The following KLHL4 variants were observed in gnomAD, a reference collection of about 807,000 sequenced individuals.
The protein encoded by KLHL4 is kelch-like protein 4.
A neutral mutation model predicts 45.8 loss-of-function variants in KLHL4; 17 were observed. That is an observed-to-expected ratio of 0.37 (90% CI 0.25 to 0.56). The LOEUF (loss-of-function observed/expected upper bound fraction) is 0.56, where lower values mean the gene tolerates loss of function less well. KLHL4 is among the 20% of genes least tolerant of loss of function. The pLI is 0.79. For missense variants in KLHL4, 544 were observed against 544.9 expected, an observed-to-expected ratio of 1.00 and a Z score of 0.02; for synonymous variants, 224 against 189.9, an observed-to-expected ratio of 1.18 and a Z score of -1.47.
chrX:87,563,799 A>G (rs1932151871), intron 1 of KLHL4, among the ~76,000 whole-genome samples: 1 of 111,122 alleles, frequency 9.0e-6, no homozygotes, highest in African/African-American at 3.3e-5. Flanking sequence ...AACTGAAGAC[A>G]TTTAAGAATC....
At chrX:87,624,664 C>G (rs1282078020) in intron 5 of KLHL4, among the ~76,000 whole-genome samples, 1 of 111,777 alleles carries the variant, frequency 8.9e-6, no homozygotes, top group Non-Finnish European at 1.9e-5. Flanking sequence ...TCCAAGGGAA[C>G]CAATCTAAGA....
intron 1 of KLHL4, among the ~76,000 whole-genome samples, chrX:87,530,059 C>T (rs1292813108): frequency 3.6e-5 from 4 of 110,023 alleles, no homozygotes; most frequent in Non-Finnish European, 7.6e-5. Flanking sequence ...AAATTTTCTC[C>T]CATTTTGTAG....
intron 1 of KLHL4, among the ~76,000 whole-genome samples, chrX:87,600,990 C>T (rs1270514061): frequency 9.0e-6 from 1 of 111,614 alleles, no homozygotes; most frequent in Non-Finnish European, 1.9e-5. Flanking sequence ...TGTGTCCTCA[C>T]CCTAATCTCA....
At chrX:87,539,392 C>T (rs13441117) in intron 1 of KLHL4, among the ~76,000 whole-genome samples, 25,804 of 109,390 alleles carry the variant, frequency 0.24, 2,641 homozygotes, top group East Asian at 0.52. Flanking sequence ...TTAATGTCTT[C>T]TTCTTATCTG....
intron 1 of KLHL4, among the ~76,000 whole-genome samples, chrX:87,595,690 G>A (rs1921819203): frequency 1.8e-5 from 2 of 110,809 alleles, no homozygotes; most frequent in Non-Finnish European, 3.8e-5. Context: ...AATGAAAAAT[G>A]AGTGCCCTTT....
chrX:87,617,211 G>GTTTT (rs751538627), intron 3 of KLHL4, among the ~76,000 whole-genome samples: 1 of 102,904 alleles, frequency 9.7e-6, no homozygotes. Context: ...AAAAGAGACT[G>GTTTT]TTTTTTTTTT....
chrX:87,559,209 TA>T (rs1932044519), intron 1 of KLHL4, among the ~76,000 whole-genome samples: 1 of 112,204 alleles, frequency 8.9e-6, no homozygotes, highest in Admixed American at 9.5e-5. Context: ...TACCTCTTTT[TA>T]TTTTAACCAT....
chrX:87,586,420 C>T (rs375008504), intron 1 of KLHL4, among the ~76,000 whole-genome samples: 2 of 111,173 alleles, frequency 1.8e-5, no homozygotes, highest in African/African-American at 6.5e-5. Flanking sequence ...GAAATAATAT[C>T]AAGGATCACC....
intron 1 of KLHL4, among the ~76,000 whole-genome samples, chrX:87,537,868 A>G (rs1931468695): frequency 1.8e-5 from 2 of 111,395 alleles, no homozygotes; most frequent in Admixed American, 9.6e-5. Flanking sequence ...AATTGAGAAG[A>G]AGGCAACCTC....
intron 9 of KLHL4, among the ~76,000 whole-genome samples, chrX:87,636,506 T>C (rs1178857662): frequency 8.9e-6 from 1 of 111,753 alleles, no homozygotes; most frequent in Non-Finnish European, 1.9e-5. Context: ...GGTGGATTGC[T>C]GCGCAGGGAT....
intron 1 of KLHL4, among the ~76,000 whole-genome samples, chrX:87,587,859 A>C (rs1921532713): frequency 9.0e-6 from 1 of 111,410 alleles, no homozygotes; most frequent in Admixed American, 9.5e-5. Flanking sequence ...GATGACATCA[A>C]ATTATCCTTT....
At chrX:87,552,696 T>C in intron 1 of KLHL4, among the ~76,000 whole-genome samples, 1 of 27,825 alleles carries the variant, frequency 3.6e-5, no homozygotes, top group African/African-American at 5.5e-4. Flanking sequence ...TGTTAAATTA[T>C]ATATATATAT....
rs964911657 is a variant in KLHL4 at position 87,594,644 on chromosome X, C to T, written c.423-19233C>T. Among the ~76,000 whole-genome samples the T allele has an allele frequency of 5.4e-5, 6 of 111,618 alleles. No homozygotes were observed. The East Asian group carries it at 1.7e-3, about 32-fold the overall frequency. On this transcript the variant is annotated intron_variant, in intron 1 of 10. Coordinates refer to ENST00000373119, the MANE Select transcript of KLHL4 (RefSeq NM_019117.5). ...ATCTGCGTGATCTCCAATCTCCATCCCCCATCTTGTCCCACAAACTACATA... is the reference window on the plus strand; with the variant it reads ...ATCTGCGTGATCTCCAATCTCCATCTCCCATCTTGTCCCACAAACTACATA...
At chrX:87,543,205 A>AT (rs1931600203) in intron 1 of KLHL4, among the ~76,000 whole-genome samples, 1 of 111,411 alleles carries the variant, frequency 9.0e-6, no homozygotes, top group Non-Finnish European at 1.9e-5. Flanking sequence ...CAAGTTTCAG[A>AT]TAAAATCTTC....
At chrX:87,639,791 G>A (rs1009722484) in intron 9 of KLHL4, among the ~76,000 whole-genome samples, 10 of 109,677 alleles carry the variant, frequency 9.1e-5, no homozygotes, top group African/African-American at 3.3e-4. Context: ...AGGGTTACAC[G>A]TCAAGGAACT....
chrX:87,624,967 C>T (rs1259883143), intron 5 of KLHL4, among the ~76,000 whole-genome samples: 1 of 112,283 alleles, frequency 8.9e-6, no homozygotes, highest in Non-Finnish European at 1.9e-5. Context: ...TGCATGACCA[C>T]CACTACCAAC....
Position 87,666,846 on chromosome X carries a change from G to C in KLHL4, c.*312G>C. ...TTAATGAAAATTGATGGTGGCCACA[G>C]TGTGCAGGTTATAAAAGCATTAATA... is the stretch of plus-strand genomic sequence containing the variant. On this transcript the variant is annotated 3_prime_UTR_variant, in exon 11 of 11. Transcript: ENST00000373119. 1 of 778,006 alleles carries C rather than the reference G, an allele frequency of 1.3e-6. No individual in the cohort carries two copies. The highest frequency in any genetic ancestry group is 1.5e-6 in the Non-Finnish European group (1 of 649,066). The allele number at this position is 778,006 out of a possible 1,213,427, so 64.1% of individuals were successfully genotyped here.
At chrX:87,553,418 T>A (rs946127840) in intron 1 of KLHL4, among the ~76,000 whole-genome samples, 5 of 111,023 alleles carry the variant, frequency 4.5e-5, no homozygotes, top group African/African-American at 1.6e-4. Flanking sequence ...ATTTATACCA[T>A]TGCCTGATCA....
intron 1 of KLHL4, among the ~76,000 whole-genome samples, chrX:87,557,039 A>G (rs1984521592): frequency 1.8e-5 from 2 of 112,202 alleles, no homozygotes; most frequent in South Asian, 7.3e-4. Flanking sequence ...ATACTGACAA[A>G]GTAGAAATAA....
Sources: gnomAD v4.1 joint callset for allele counts (sites outside exome capture counted in the v4.1 genomes callset) on GRCh38, gnomAD v4.1.1 for gene constraint, MANE v1.5 for transcripts, NCBI Gene and HGNC (gene_info 2026-07-23, HGNC 2026-07-21) for gene names.